TRIQK: variants seen among roughly 807,000 people sequenced by gnomAD.
TRIQK encodes the protein triple QxxK/R motif-containing protein.
In TRIQK, 10 loss-of-function variants were observed where a neutral mutation model predicts 10.8. The ratio of observed to expected loss-of-function variants is 0.92; its 90% confidence interval spans 0.57 to 1.57. The LOEUF (loss-of-function observed/expected upper bound fraction) is 1.57. TRIQK is among the 40% of genes most tolerant of loss of function. The probability of loss-of-function intolerance (pLI) is 0.00; values close to 1 mark genes in which losing one functional copy is unlikely to be tolerated. For synonymous variants in TRIQK, 33 were observed against 33.7 expected (o/e 0.98, Z 0.07); for missense variants, 107 against 97.7 (o/e 1.09, Z -0.40).
At chr8:93,009,712 C>T (rs1813313264) in intron 1 of TRIQK, among the ~76,000 whole-genome samples, 1 of 151,678 alleles carries the variant, frequency 6.6e-6, no homozygotes, top group South Asian at 2.1e-4. Flanking sequence ...TTATGGAAAA[C>T]ATTATGGAGG....
At chr8:92,987,249 G>C (rs1188646187) in intron 1 of TRIQK, among the ~76,000 whole-genome samples, 1 of 152,136 alleles carries the variant, frequency 6.6e-6, no homozygotes, top group African/African-American at 2.4e-5. Context: ...GTCCACTTCT[G>C]CCTCTACCTT....
At chr8:92,964,545 A>T (rs1812636558) in intron 1 of TRIQK, among the ~76,000 whole-genome samples, 1 of 150,288 alleles carries the variant, frequency 6.7e-6, no homozygotes, top group Non-Finnish European at 1.5e-5. Context: ...AACCAGAACC[A>T]ACACAGAATC....
At chr8:92,923,719 A>C (rs1810301312) in intron 2 of TRIQK, among the ~76,000 whole-genome samples, 1 of 151,938 alleles carries the variant, frequency 6.6e-6, no homozygotes, top group Non-Finnish European at 1.5e-5. Flanking sequence ...GACTTTTAAG[A>C]TTAAACATAG....
chr8:92,968,169 T>C (rs1024160692), upstream of TRIQK, among the ~76,000 whole-genome samples: 55 of 152,228 alleles, frequency 3.6e-4, no homozygotes, highest in African/African-American at 1.3e-3. Flanking sequence ...CTATGGTGTA[T>C]ATGTGCCACA....
At chr8:92,901,764 G>T (rs889757422) in intron 3 of TRIQK, among the ~76,000 whole-genome samples, 1 of 152,144 alleles carries the variant, frequency 6.6e-6, no homozygotes, top group South Asian at 2.1e-4. Context: ...CTTGTAAAAT[G>T]AGTTTGAAAG....
intron 1 of TRIQK, among the ~76,000 whole-genome samples, chr8:92,980,333 G>A (rs1812974243): frequency 6.6e-6 from 1 of 151,722 alleles, no homozygotes; most frequent in Non-Finnish European, 1.5e-5. Flanking sequence ...AATACTTTAT[G>A]TTTTTGCATT....
chr8:92,934,228 A>G (rs2130569870), intron 2 of TRIQK, among the ~76,000 whole-genome samples: 1 of 152,126 alleles, frequency 6.6e-6, no homozygotes, highest in African/African-American at 2.4e-5. Flanking sequence ...CATCTTTTCA[A>G]TGAAAGACTA....
At chr8:92,891,947 C>A in intron 4 of TRIQK, 42 bp downstream of exon 4, 10 of 1,335,862 alleles carry the variant, frequency 7.5e-6, no homozygotes, top group Admixed American at 2.1e-5. Flanking sequence ...AATGAAATGG[C>A]ATGCACATAT....
At chr8:92,993,891 G>C (rs915176152) in intron 1 of TRIQK, among the ~76,000 whole-genome samples, 1 of 152,058 alleles carries the variant, frequency 6.6e-6, no homozygotes, top group Non-Finnish European at 1.5e-5. Context: ...TTCCTTATTC[G>C]AGTAAGAGAT....
intron 1 of TRIQK, among the ~76,000 whole-genome samples, chr8:92,994,936 A>C (rs1308502457): frequency 6.6e-6 from 1 of 151,642 alleles, no homozygotes; most frequent in Non-Finnish European, 1.5e-5. Context: ...TTAAAAAAAA[A>C]CTGTATTTAT....
chr8:92,978,963 T>C (rs1812958552), intron 1 of TRIQK, among the ~76,000 whole-genome samples: 1 of 152,100 alleles, frequency 6.6e-6, no homozygotes, highest in African/African-American at 2.4e-5. Flanking sequence ...ACTTATTGCA[T>C]AACACACCAC....
intron 1 of TRIQK, among the ~76,000 whole-genome samples, chr8:93,003,950 T>C (rs58593443): frequency 6.6e-6 from 1 of 152,274 alleles, no homozygotes; most frequent in African/African-American, 2.4e-5. Context: ...GCTCTCTCCC[T>C]GTGGCTTGCA....
chr8:92,942,092 T>C (rs1420745316), intron 2 of TRIQK, among the ~76,000 whole-genome samples: 1 of 152,130 alleles, frequency 6.6e-6, no homozygotes, highest in African/African-American at 2.4e-5. Context: ...GTAATTACTC[T>C]GATAATGCAA....
chr8:92,927,026 G>A (rs1026403262), intron 2 of TRIQK, among the ~76,000 whole-genome samples: 19 of 151,846 alleles, frequency 1.3e-4, no homozygotes, highest in Admixed American at 8.5e-4. Context: ...ACTCCAGCTT[G>A]GGCAACAGAC....
At chr8:92,939,981 G>T (rs1811186883) in intron 2 of TRIQK, among the ~76,000 whole-genome samples, 1 of 152,056 alleles carries the variant, frequency 6.6e-6, no homozygotes, top group Non-Finnish European at 1.5e-5. Flanking sequence ...TTATATCTGG[G>T]CTGACCAGAA....
At chr8:93,007,074 C>G (rs1411310747) in intron 1 of TRIQK, among the ~76,000 whole-genome samples, 1 of 152,168 alleles carries the variant, frequency 6.6e-6, no homozygotes, top group Non-Finnish European at 1.5e-5. Flanking sequence ...AGAGGGGTCA[C>G]CAAACACCTT....
At chr8:93,012,369 C>A (rs942683277) in intron 1 of TRIQK, among the ~76,000 whole-genome samples, 6 of 152,114 alleles carry the variant, frequency 3.9e-5, no homozygotes, top group African/African-American at 1.4e-4. Flanking sequence ...ACGATTCTGT[C>A]CATATGCCAA....
intron 2 of TRIQK, among the ~76,000 whole-genome samples, chr8:92,949,190 T>G (rs1236379197): frequency 1.3e-5 from 2 of 152,232 alleles, no homozygotes; most frequent in African/African-American, 2.4e-5. Flanking sequence ...TCAATTAAAC[T>G]TGTTAAATTT....
intron 2 of TRIQK, among the ~76,000 whole-genome samples, chr8:92,942,896 T>C (rs1773360316): frequency 6.6e-6 from 1 of 152,206 alleles, no homozygotes; most frequent in South Asian, 2.1e-4. Context: ...AGTTTCGCCA[T>C]GTTGCTCAGT....
Sources: allele counts gnomAD v4.1 joint callset (sites outside exome capture counted in the v4.1 genomes callset), GRCh38; gene constraint gnomAD v4.1.1; transcripts MANE v1.5; gene names NCBI Gene and HGNC (gene_info 2026-07-23, HGNC 2026-07-21).